The following ZNF878 variants were observed in gnomAD, a reference collection of about 807,000 sequenced individuals.
ZNF878 encodes zinc finger protein 878.
ZNF878 carries 10 observed loss-of-function variants against 11.1 expected under a neutral mutation model. That is an observed-to-expected ratio of 0.90 (90% CI 0.56 to 1.53). The LOEUF (loss-of-function observed/expected upper bound fraction) is 1.53, where lower values mean the gene tolerates loss of function less well. ZNF878 is among the 40% of genes most tolerant of loss of function. The probability of loss-of-function intolerance (pLI) is 0.00; values close to 1 mark genes in which losing one functional copy is unlikely to be tolerated. For missense variants in ZNF878, 548 were observed against 626.1 expected, an observed-to-expected ratio of 0.88 and a Z score of 1.33; for synonymous variants, 165 against 209.7, an observed-to-expected ratio of 0.79 and a Z score of 1.84.
rs930463638 is a variant in ZNF878 at position 12,052,417 on chromosome 19, G to GA, written c.3+381dup. On this transcript the variant is annotated intron_variant, in intron 1 of 3. Coordinates refer to ENST00000547628, the MANE Select transcript of ZNF878 (RefSeq NM_001080404.3). ...AGTGCCTCAGTTTAATTTTTAACTGGAAAAAAAAAGGAACTGGGGACCCCA... is the reference window on the plus strand; with the variant it reads ...AGTGCCTCAGTTTAATTTTTAACTGGAAAAAAAAAAGGAACTGGGGACCCCA... Among the ~76,000 whole-genome samples the GA allele has an allele frequency of 7.0e-4, 106 of 150,984 alleles. 2 individuals are homozygous for GA. In the East Asian group the frequency reaches 0.011, roughly 16 times the overall value.
rs1358930143 is a variant in ZNF878 at position 12,044,136 on chromosome 19, G to T, written c.1265C>A (p.Pro422His). The T allele has an allele frequency of 1.2e-6, 2 of 1,613,430 alleles. No homozygotes were observed. The highest frequency in any genetic ancestry group is 2.2e-5 in the South Asian group (2 of 91,046). The change falls in exon 4 of 4, where the codon CCC becomes CAC. Residue 422 changes from proline to histidine, a missense_variant. Physicochemically the swap from Pro to His is moderately conservative, Grantham distance 77. Around this residue, in one of 3 missense-constraint regions of ZNF878, gnomAD observed 335 missense variants for 358.2 expected, o/e 0.94. Transcript: ENST00000547628. ...KHIRTHTGEKPYGCKQCGKVF... is the reference protein window; with the variant it reads ...KHIRTHTGEKHYGCKQCGKVF... ...TTTACCACATTGCTTACATCCATAG[G>T]GTTTCTCTCCTGTGTGAGTTCGTAT...
At chr19:12,045,264 G>T in intron 3 of ZNF878, 55 bp from the exon 4 acceptor site, 1 of 1,395,588 alleles carries the variant, frequency 7.2e-7, no homozygotes, top group Non-Finnish European at 9.6e-7. Context: ...TAATTCCTTT[G>T]CAAGTATTAC....
At chr19:12,049,831 G>GA (rs1376007349) in intron 1 of ZNF878, among the ~76,000 whole-genome samples, 5 of 151,906 alleles carry the variant, frequency 3.3e-5, no homozygotes, top group Non-Finnish European at 7.4e-5. Flanking sequence ...GCCATAGTTA[G>GA]ATGACATCAA....
At chr19:12,052,484 G>A (rs1295742394) in intron 1 of ZNF878, among the ~76,000 whole-genome samples, 2 of 152,236 alleles carry the variant, frequency 1.3e-5, no homozygotes, top group African/African-American at 4.8e-5. Context: ...ACCCGAGGCA[G>A]GATCCCCCAT....
chr19:12,047,563 G>GT (rs1487144776), intron 1 of ZNF878, among the ~76,000 whole-genome samples: 2 of 144,472 alleles, frequency 1.4e-5, no homozygotes, highest in African/African-American at 5.6e-5. Context: ...GACTCCATCG[G>GT]TTAAAAAAAA....
intron 2 of ZNF878, 38 bp downstream of exon 2, chr19:12,046,596 C>G: frequency 3.7e-6 from 6 of 1,613,288 alleles, no homozygotes; most frequent in East Asian, 2.2e-5. Context: ...AACACCTGTT[C>G]TTTAATTCAC....
chr19:12,052,961 T>A lies in ZNF878; in HGVS notation c.-160A>T, dbSNP rs959193261. On this transcript the variant is annotated 5_prime_UTR_variant, in exon 1 of 4. Transcript: ENST00000547628. ...TAACTAGCGCGAGCAGCCCTAGGAG[T>A]GAAGAGAGCGGGAATGCAACCTCCC... The A allele has an allele frequency of 1.5e-6, 2 of 1,327,868 alleles. No individual in the cohort carries two copies. The highest frequency in any genetic ancestry group is 4.7e-5 in the Admixed American group (2 of 42,926). 82.3% of individuals were successfully genotyped at this position (1,327,868 alleles called of 1,614,324 possible).
At chr19:12,047,561 C>A (rs976498875) in intron 1 of ZNF878, among the ~76,000 whole-genome samples, 1 of 144,882 alleles carries the variant, frequency 6.9e-6, no homozygotes, top group South Asian at 2.1e-4. Flanking sequence ...CAGACTCCAT[C>A]GGTTAAAAAA....
chr19:12,052,298 G>T (rs565432117), intron 1 of ZNF878, among the ~76,000 whole-genome samples: 10 of 152,278 alleles, frequency 6.6e-5, no homozygotes, highest in African/African-American at 2.2e-4. Context: ...TATTCTACAC[G>T]ATTTGGGTTT....
chr19:12,044,740 G>A lies in ZNF878; in HGVS notation c.661C>T (p.His221Tyr). The change falls in exon 4 of 4, where the codon CAC (histidine) becomes TAC (tyrosine). Residue 221 changes from histidine (H) to tyrosine (Y), a missense_variant. By Grantham distance (83) the His-to-Tyr change is moderately conservative. This residue lies in a region of ZNF878 where 53 missense variants were observed against 94.6 expected (regional missense o/e 0.56). Coordinates refer to ENST00000547628, the MANE Select transcript of ZNF878 (RefSeq NM_001080404.3). ...CATTTATGAGGTCTCTCTCCAGTGT[G>A]CATTCTCATGTGTGTCTGAAAGCTT... ...LVSFQTHMRM[H>Y]TGERPHKCNI... is the part of the protein sequence containing the mutation. 1 of 1,614,184 alleles carries A rather than the reference G, an allele frequency of 6.2e-7. No individual in the cohort carries two copies. The highest frequency in any genetic ancestry group is 1.7e-5 in the Admixed American group (1 of 60,018).
chr19:12,048,855 AAAAG>A (rs1194573994), intron 1 of ZNF878, among the ~76,000 whole-genome samples: 2 of 150,860 alleles, frequency 1.3e-5, no homozygotes, highest in Admixed American at 6.6e-5. Flanking sequence ...AAAGAAAAGA[AAAAG>A]AAAAGAAAAG....
downstream of ZNF878, chr19:12,043,705 T>C: frequency 8.1e-7 from 1 of 1,238,400 alleles, no homozygotes. Context: ...CTTCCCAAAA[T>C]GCTGAGATTA....
At position 12,044,472 on chromosome 19, in the gene ZNF878, G is replaced by T; in HGVS notation, c.929C>A (p.Pro310His). ...CTTACCACATAGCTTACACTCATAGGGTTTCTCTCCAGTGTGTTTTCTTTC... is the reference window on the plus strand; with the variant it reads ...CTTACCACATAGCTTACACTCATAGTGTTTCTCTCCAGTGTGTTTTCTTTC... ...VHERKHTGEK[P>H]YECKLCGKGF... Residue 310 changes from proline to histidine, a missense_variant, in exon 4 of 4, where the codon CCC becomes CAC. By Grantham distance (77) the Pro-to-His change is moderately conservative. Transcript: ENST00000547628. 1 of 1,613,830 alleles carries T rather than the reference G, an allele frequency of 6.2e-7. No homozygotes were observed. Among genetic ancestry groups the T allele is most frequent in the Non-Finnish European group, 8.5e-7 (1 of 1,179,958 alleles).
At position 12,052,796 on chromosome 19, in the gene ZNF878, C is replaced by T; in HGVS notation, c.3+3G>A. ...TTGGGACTCCCCAGCACCGCATGCT[C>T]ACCATTTCCTGGCTTCCAGGTATTC... On this transcript the variant is annotated splice_donor_region_variant and intron_variant, in intron 1 of 3. Coordinates refer to ENST00000547628, the MANE Select transcript of ZNF878 (RefSeq NM_001080404.3). The T allele has an allele frequency of 6.5e-7, 1 of 1,535,990 alleles. No homozygotes were observed. The highest frequency in any genetic ancestry group is 8.7e-7 in the Non-Finnish European group (1 of 1,146,746).
In ZNF878 at chr19:12,043,822, T is replaced by A. The variant is rs771523545; in HGVS notation, c.1579A>T (p.Arg527Trp). Residue 527 changes from arginine (R) to tryptophan (W), a missense_variant, in exon 4 of 4, where the codon AGG becomes TGG. By Grantham distance (101) the Arg-to-Trp change is moderately radical (BLOSUM62 -3). Transcript: ENST00000547628. ...TAGAGTTTCTAGCCAGCGTGAGTCC[T>A]TACATGCTTTTGAAGGATTGAGGCA... is the stretch of plus-strand genomic sequence containing the variant. ...RSASILQKHV[R>W]THAG 1 of 1,606,568 alleles carries A rather than the reference T, an allele frequency of 6.2e-7. No individual in the cohort carries two copies. The highest frequency in any genetic ancestry group is 2.2e-5 in the East Asian group (1 of 44,856).
At chr19:12,052,225 C>G (rs1975558550) in intron 1 of ZNF878, among the ~76,000 whole-genome samples, 1 of 152,172 alleles carries the variant, frequency 6.6e-6, no homozygotes, top group African/African-American at 2.4e-5. Flanking sequence ...ATTGCTTACT[C>G]CAGACTTCGC....
Position 12,052,677 on chromosome 19 carries a change from G to A in ZNF878, c.3+122C>T, listed in dbSNP as rs961493670. The A allele has an allele frequency of 2.3e-6, 3 of 1,287,720 alleles. No homozygotes were observed. In the Admixed American group the frequency reaches 7.6e-5, roughly 33 times the overall value. 79.8% of individuals were successfully genotyped at this position (1,287,720 alleles called of 1,614,324 possible). A position where few individuals can be genotyped will look rare whatever the true frequency, so the allele number is the denominator to read the frequency against. On this transcript the variant is annotated intron_variant, in intron 1 of 3. Coordinates refer to ENST00000547628, the MANE Select transcript of ZNF878 (RefSeq NM_001080404.3). ...GGGGACCGAGGGCCGAGCTGCGCTA[G>A]GGGGACTGTGTCTGGAGCCCAGAGT... is the stretch of plus-strand genomic sequence containing the variant.
Position 12,044,955 on chromosome 19 carries a change from C to A in ZNF878, c.446G>T (p.Gly149Val). The A allele has an allele frequency of 6.2e-7, 1 of 1,614,044 alleles. No homozygotes were observed. Among genetic ancestry groups the A allele is most frequent in the South Asian group, 1.1e-5 (1 of 91,068 alleles). ...AGAACTGGGAAACCTGAATGCTTTC[C>A]CACATTCCTTACATTCATAAGGCTT... is the stretch of plus-strand genomic sequence containing the variant. ...GEKPYECKEC[G>V]KAFRFPSSVR... is the part of the protein sequence containing the mutation. Residue 149 changes from glycine to valine, a missense_variant, in exon 4 of 4, where the codon GGG becomes GTG. Transcript: ENST00000547628.
At position 12,044,247 on chromosome 19, in the gene ZNF878, T is replaced by G. The variant is rs939753921; in HGVS notation, c.1154A>C (p.His385Pro). The G allele has an allele frequency of 6.2e-7, 1 of 1,614,160 alleles. No individual in the cohort carries two copies. The highest frequency in any genetic ancestry group is 8.5e-7 in the Non-Finnish European group (1 of 1,180,034). ...TFTSSNSFHY[H>P]ERTHTGEKPY... ...TTTCTCTCCAGTGTGAGTCCTTTCA[T>G]GATAGTGAAAGGAATTGGAAGAAGT... Residue 385 changes from histidine to proline, a missense_variant, in exon 4 of 4, where the codon CAT becomes CCT. Coordinates refer to ENST00000547628, the MANE Select transcript of ZNF878 (RefSeq NM_001080404.3).
Sources: gnomAD v4.1 joint callset for allele counts (sites outside exome capture counted in the v4.1 genomes callset) on GRCh38, gnomAD v4.1.1 for gene constraint, gnomAD v4.1.1 regional missense constraint, MANE v1.5 for transcripts, NCBI Gene and HGNC (gene_info 2026-07-23, HGNC 2026-07-21) for gene names.